The following UBR4 variants were observed in gnomAD, a reference collection of about 807,000 sequenced individuals.
UBR4 encodes E3 ubiquitin-protein ligase UBR4.
In UBR4, 124 loss-of-function variants were observed where a neutral mutation model predicts 575.6. The ratio of observed to expected loss-of-function variants is 0.22; its 90% CI spans 0.19 to 0.25. The LOEUF is 0.25. Ranked by LOEUF, UBR4 falls within the 10% of genes least tolerant of loss-of-function variation. The pLI, the probability that UBR4 is intolerant of heterozygous loss-of-function variation, is 1.00. For synonymous variants in UBR4, 2,455 were observed against 2,473.7 expected, an observed-to-expected ratio of 0.99 and a Z score of 0.22; for missense variants, 4,818 against 6,478.8, an observed-to-expected ratio of 0.74 and a Z score of 8.80.
intron 87 of UBR4, among the ~76,000 whole-genome samples, chr1:19,103,117 G>A (rs1322615917): frequency 6.6e-6 from 1 of 152,172 alleles, no homozygotes; most frequent in Non-Finnish European, 1.5e-5. Flanking sequence ...TAAAAAATAT[G>A]AGGTCACAGT....
chr1:19,150,713 A>G lies in UBR4; in HGVS notation c.7294T>C (p.Trp2432Arg). Reference sequence around the variant, plus strand: ...AATTCTTCTGGGGGCTCATCAGGCCAGCCAAACTGCTCCTTAGTCTTGCCA... The same window carrying G: ...AATTCTTCTGGGGGCTCATCAGGCCGGCCAAACTGCTCCTTAGTCTTGCCA... ...IYGKTKEQFG[W>R]PDEPPEEFPS... Residue 2432 changes from tryptophan to arginine, a missense_variant, in exon 49 of 106, where the codon TGG (tryptophan) becomes CGG (arginine). Around this residue, in one of 29 missense-constraint regions of UBR4, gnomAD observed 340 missense variants for 375.4 expected, o/e 0.91. Transcript: ENST00000375254. 2 of 1,614,140 alleles carry G rather than the reference A, an allele frequency of 1.2e-6. No individual in the cohort carries two copies. The highest frequency in any genetic ancestry group is 8.5e-7 in the Non-Finnish European group (1 of 1,180,004).
At position 19,153,192 on chromosome 1, in the gene UBR4, G is replaced by A. The variant is rs2085973885; in HGVS notation, c.6832+109C>T. On this transcript the variant is annotated intron_variant, in intron 46 of 105. Coordinates refer to ENST00000375254, the MANE Select transcript of UBR4 (RefSeq NM_020765.3). This position sits in a 1 kb window ranked among gnomAD's most constrained non-coding sequence, Gnocchi z 4.1. ...GAAATTAACTTTACAAAATGTGCAA[G>A]TAGGACAGTCACATTTCTTCACAGA... 4 of 1,268,162 alleles carry A rather than the reference G, an allele frequency of 3.2e-6. No individual in the cohort carries two copies. In the South Asian group the frequency reaches 5.4e-5, roughly 17 times the overall value. 78.6% of individuals were successfully genotyped at this position (1,268,162 alleles called of 1,614,324 possible). A position where few individuals can be genotyped will look rare whatever the true frequency, so the allele number is the denominator to read the frequency against.
At chr1:19,191,222 C>T (rs1204041274) in intron 11 of UBR4, among the ~76,000 whole-genome samples, 2 of 152,206 alleles carry the variant, frequency 1.3e-5, no homozygotes, top group African/African-American at 4.8e-5. Flanking sequence ...GTAATCCCAG[C>T]ACTCTAGGAG....
At chr1:19,138,920 T>G (rs970118424) in intron 59 of UBR4, among the ~76,000 whole-genome samples, 163 bp downstream of exon 59, 3 of 152,170 alleles carry the variant, frequency 2.0e-5, no homozygotes, top group African/African-American at 7.2e-5. Flanking sequence ...ACTCGAAAAC[T>G]GAGGCCAAAT....
intron 75 of UBR4, 105 bp from the exon 76 acceptor site, chr1:19,114,175 G>A (rs1317610783): frequency 1.4e-6 from 2 of 1,432,736 alleles, no homozygotes; most frequent in Non-Finnish European, 1.9e-6. Context: ...TATAGGTCAG[G>A]CACTGTGTTT....
At chr1:19,135,992 G>A (rs535092878) in intron 60 of UBR4, among the ~76,000 whole-genome samples, 1 of 152,224 alleles carries the variant, frequency 6.6e-6, no homozygotes, top group East Asian at 1.9e-4. Flanking sequence ...TAAAATAGGA[G>A]GTGATTTCTC....
At position 19,128,994 on chromosome 1, in the gene UBR4, G is replaced by T; in HGVS notation, c.8987C>A (p.Ala2996Asp). 1 of 1,614,044 alleles carries T rather than the reference G, an allele frequency of 6.2e-7. No homozygotes were observed. Among genetic ancestry groups the T allele is most frequent in the Non-Finnish European group, 8.5e-7 (1 of 1,179,948 alleles). ...AAGAGATACCTGCATGTATGGGATG[G>T]CCCGGACACCGCCAACGTTTCGTAA... Reference protein sequence around the residue: ...PQLRNVGGVRAIPYMQVILML... With the variant: ...PQLRNVGGVRDIPYMQVILML... The change falls in exon 61 of 106, where the codon GCC (alanine) becomes GAC (aspartate). Residue 2996 changes from alanine (A) to aspartate (D), a missense_variant. Ala to Asp is a moderately radical substitution (Grantham distance 126, BLOSUM62 -2). Coordinates refer to ENST00000375254, the MANE Select transcript of UBR4 (RefSeq NM_020765.3).
intron 1 of UBR4, among the ~76,000 whole-genome samples, chr1:19,203,682 C>T (rs899749105): frequency 3.3e-5 from 5 of 152,062 alleles, no homozygotes; most frequent in African/African-American, 4.8e-5. Flanking sequence ...TCTGGCATTG[C>T]GAGCACTTTG....
Position 19,086,261 on chromosome 1 carries a change from T to C in UBR4, c.14697A>G (p.Arg4899=). Residue 4899 remains arginine, a synonymous_variant, in exon 101 of 106, where the codon CGA becomes CGG. Coordinates refer to ENST00000375254, the MANE Select transcript of UBR4 (RefSeq NM_020765.3). The part of the protein sequence containing the change: ...DCHLAAVRLA[R]GREEWESAAL... ...CGGCACTCTCCCACTCTTCCCGGCC[T>C]CGAGCCAACCTGGATAGGGAGGAGA... The C allele has an allele frequency of 6.5e-7, 1 of 1,544,656 alleles. No individual in the cohort carries two copies. Among genetic ancestry groups the C allele is most frequent in the Non-Finnish European group, 8.8e-7 (1 of 1,139,418 alleles).
At chr1:19,098,306 T>C (rs1270982325) in intron 90 of UBR4, among the ~76,000 whole-genome samples, 2 of 152,180 alleles carry the variant, frequency 1.3e-5, no homozygotes, top group African/African-American at 2.4e-5. Context: ...ATCAGGGAAA[T>C]GGAGGGCAAG....
At chr1:19,189,832 G>A (rs574120791) in intron 11 of UBR4, among the ~76,000 whole-genome samples, 10 of 152,144 alleles carry the variant, frequency 6.6e-5, no homozygotes, top group Middle Eastern at 3.4e-3. Flanking sequence ...ACAAACTACC[G>A]TTTGCTCTGG....
In UBR4 at chr1:19,177,461, C is replaced by T; in HGVS notation, c.2637G>A (p.Gln879=). ...YSKAPVYLFE[Q]VQHNLLSPPF... ...CAAAAAAGAACGTGTTGGTCTGTAC[C>T]TGCTCAAATAGATACACAGGGGCTT... Residue 879 remains glutamine, a splice_region_variant and synonymous_variant, in exon 19 of 106, where the codon CAG becomes CAA. Transcript: ENST00000375254. 6.2e-7 allele frequency: 1 copy of T among 1,613,660 alleles called. No homozygotes were observed. The highest frequency in any genetic ancestry group is 8.5e-7 in the Non-Finnish European group (1 of 1,179,640).
rs747703729 is a variant in UBR4 at position 19,185,210 on chromosome 1, C to T, written c.1827G>A (p.Pro609=). ...CCAGTGGAGGAGGTGGGGGAGGAGG[C>T]GGAGGTGCTGCTTTCTCTTTACTGG... ...ISPSKEKAAP[P]PPPPPPPLES... is the part of the protein sequence containing the mutation. Residue 609 remains proline, a synonymous_variant, in exon 15 of 106, where the codon CCG becomes CCA. Transcript: ENST00000375254. 9.9e-6 allele frequency: 16 copies of T among 1,613,486 alleles called. No individual in the cohort carries two copies. The highest frequency in any genetic ancestry group is 1.7e-4 in the Middle Eastern group (1 of 6,052).
chr1:19,196,097 G>A (rs2092441902), intron 8 of UBR4, among the ~76,000 whole-genome samples: 1 of 151,788 alleles, frequency 6.6e-6, no homozygotes, highest in Admixed American at 6.6e-5. Context: ...GCCAAGCCGA[G>A]ATCCTACCTG....
intron 93 of UBR4, 44 bp downstream of exon 93, chr1:19,095,501 C>T: frequency 6.3e-7 from 1 of 1,588,802 alleles, no homozygotes. Flanking sequence ...CACACCCAGA[C>T]TTCCAAGGCC....
chr1:19,104,880 G>A, intron 85 of UBR4, 168 bp downstream of exon 85: 1 of 1,208,846 alleles, frequency 8.3e-7, no homozygotes, highest in Non-Finnish European at 1.2e-6. Flanking sequence ...CCAAGAGTTT[G>A]CTACAGCTAC....
chr1:19,145,034 A>C, intron 53 of UBR4, 127 bp from the exon 54 acceptor site: 10 of 1,039,928 alleles, frequency 9.6e-6, no homozygotes, highest in South Asian at 3.1e-5. Context: ...ACAAACACTC[A>C]CATACACACT....
intron 102 of UBR4, among the ~76,000 whole-genome samples, chr1:19,083,110 C>T (rs899295056): frequency 2.6e-5 from 4 of 152,162 alleles, no homozygotes; most frequent in African/African-American, 9.7e-5. Flanking sequence ...ATACTGACAC[C>T]TAGTCACCCA....
intron 77 of UBR4, 193 bp downstream of exon 77, chr1:19,113,506 T>C (rs146080478): frequency 4.1e-4 from 321 of 781,822 alleles, no homozygotes; most frequent in Non-Finnish European, 5.9e-4. Flanking sequence ...GAACTCAGCA[T>C]TCTGACCAGC....
Sources: allele counts gnomAD v4.1 joint callset (sites outside exome capture counted in the v4.1 genomes callset), GRCh38; gene constraint gnomAD v4.1.1; regional missense constraint gnomAD v4.1.1; non-coding constraint Gnocchi (gnomAD v3.1); transcripts MANE v1.5; gene names NCBI Gene and HGNC (gene_info 2026-07-23, HGNC 2026-07-21).